The following ACBD6 variants were observed in gnomAD, a reference collection of about 807,000 sequenced individuals.
ACBD6 encodes acyl-CoA binding domain containing 6.
A neutral mutation model predicts 37.2 loss-of-function variants in ACBD6; 28 were observed. That is an observed-to-expected ratio of 0.75 (90% confidence interval 0.56 to 1.03). ACBD6 has a LOEUF of 1.03. ACBD6 is among the 50% of genes least tolerant of loss of function. The pLI is 0.00. For synonymous variants in ACBD6, 113 were observed against 126.8 expected, an observed-to-expected ratio of 0.89 and a Z score of 0.73; for missense variants, 340 against 337.4, an observed-to-expected ratio of 1.01 and a Z score of -0.06.
At position 180,389,484 on chromosome 1, in the gene ACBD6, C is replaced by A. The variant is rs571222909; in HGVS notation, c.663+8032G>T. ...CATACGTGTGCATGTGTCTTTATAGCAGCATGATTTATACTCCTTTGGGTA... is the reference window on the plus strand; with the variant it reads ...CATACGTGTGCATGTGTCTTTATAGAAGCATGATTTATACTCCTTTGGGTA... On this transcript the variant is annotated intron_variant, in intron 6 of 7. Transcript: ENST00000367595. Among the ~76,000 whole-genome samples, 73 of 152,270 alleles carry A rather than the reference C, an allele frequency of 4.8e-4. 1 individual carries two copies. In the East Asian group the frequency reaches 9.6e-3, roughly 20 times the overall value.
At chr1:180,464,340 T>A (rs995489039) in intron 3 of ACBD6, among the ~76,000 whole-genome samples, 1 of 152,120 alleles carries the variant, frequency 6.6e-6, no homozygotes, top group Non-Finnish European at 1.5e-5. Context: ...TTCAGCAAAG[T>A]TGCAGGATAC....
intron 3 of ACBD6, among the ~76,000 whole-genome samples, chr1:180,487,260 C>T (rs1571572904): frequency 1.3e-5 from 2 of 152,048 alleles, no homozygotes; most frequent in Admixed American, 6.6e-5. Flanking sequence ...TACAGTAGCC[C>T]TCCTTTATCC....
chr1:180,418,973 C>T (rs561181344), intron 4 of ACBD6, among the ~76,000 whole-genome samples: 20 of 152,248 alleles, frequency 1.3e-4, no homozygotes, highest in Admixed American at 7.2e-4. Flanking sequence ...TTCTTGAGGC[C>T]GGGCGCGGTG....
intron 6 of ACBD6, among the ~76,000 whole-genome samples, chr1:180,333,682 C>G (rs1651576856): frequency 2.0e-5 from 3 of 152,172 alleles, no homozygotes; most frequent in Non-Finnish European, 2.9e-5. Context: ...ACAGTGAGTG[C>G]AGCGCACTGA....
At position 180,435,860 on chromosome 1, in the gene ACBD6, T is replaced by C. The variant is rs1033455988; in HGVS notation, c.385-5598A>G. On this transcript the variant is annotated intron_variant, in intron 3 of 7. Coordinates refer to ENST00000367595, the MANE Select transcript of ACBD6 (RefSeq NM_032360.4). ...TCAGACCCTAAAACCAGGTATCAAA[T>C]TGACACTGTCAGCTCTTCTGGATGG... 5.8e-5 allele frequency: 76 copies of C among 1,316,394 alleles called. 1 individual carries two copies. The Middle Eastern group carries it at 1.0e-3, about 18-fold the overall frequency. 81.5% of individuals were successfully genotyped at this position (1,316,394 alleles called of 1,614,324 possible).
chr1:180,453,155 C>A (rs1230398138), intron 3 of ACBD6, among the ~76,000 whole-genome samples: 1 of 152,138 alleles, frequency 6.6e-6, no homozygotes, highest in East Asian at 1.9e-4. Flanking sequence ...AACATCGATG[C>A]AAAAATCTTC....
chr1:180,373,490 T>C (rs1653333142), intron 6 of ACBD6, among the ~76,000 whole-genome samples: 1 of 152,204 alleles, frequency 6.6e-6, no homozygotes, highest in Non-Finnish European at 1.5e-5. Flanking sequence ...ATGCATAAAA[T>C]GCAGACAAAT....
At chr1:180,397,221 A>T (rs751283446) in intron 6 of ACBD6, among the ~76,000 whole-genome samples, 57 of 152,222 alleles carry the variant, frequency 3.7e-4, no homozygotes, top group Non-Finnish European at 6.2e-4. Context: ...ATTTATATAA[A>T]ATATCCAGAA....
chr1:180,360,600 G>A (rs948183467), intron 6 of ACBD6, among the ~76,000 whole-genome samples: 3 of 152,040 alleles, frequency 2.0e-5, no homozygotes, highest in Non-Finnish European at 2.9e-5. Flanking sequence ...TCTAACATTC[G>A]AGAACCACTG....
intron 3 of ACBD6, among the ~76,000 whole-genome samples, chr1:180,444,297 AAAAG>A (rs1298224196): frequency 1.3e-5 from 2 of 152,010 alleles, no homozygotes; most frequent in Non-Finnish European, 2.9e-5. Flanking sequence ...AAAAAAAAAA[AAAAG>A]AAAGTACTTT....
At chr1:180,334,435 C>T (rs1651621131) in intron 6 of ACBD6, among the ~76,000 whole-genome samples, 1 of 152,188 alleles carries the variant, frequency 6.6e-6, no homozygotes, top group Non-Finnish European at 1.5e-5. Context: ...TAAACTCCTA[C>T]AGACCTGCAG....
intron 6 of ACBD6, among the ~76,000 whole-genome samples, chr1:180,386,357 T>TC (rs1653845247): frequency 6.6e-6 from 1 of 152,212 alleles, no homozygotes; most frequent in Non-Finnish European, 1.5e-5. Context: ...GTTGTTTTTT[T>TC]CTCATTAATT....
intron 3 of ACBD6, chr1:180,438,250 T>A (rs963265133): frequency 6.5e-6 from 1 of 152,734 alleles, no homozygotes; most frequent in African/African-American, 2.4e-5. Flanking sequence ...TGCAGAAAAA[T>A]GGTCTTCCAC....
At chr1:180,483,510 C>T (rs1651137581) in intron 3 of ACBD6, among the ~76,000 whole-genome samples, 1 of 152,042 alleles carries the variant, frequency 6.6e-6, no homozygotes, top group Admixed American at 6.6e-5. Context: ...AGTGCTAAAT[C>T]CCCAGCCCCT....
At chr1:180,428,868 T>G (rs1267317702) in intron 4 of ACBD6, among the ~76,000 whole-genome samples, 1 of 152,186 alleles carries the variant, frequency 6.6e-6, no homozygotes. Flanking sequence ...TTTTTATTGC[T>G]TAAGAGAAAG....
At chr1:180,395,928 A>T (rs573474848) in intron 6 of ACBD6, among the ~76,000 whole-genome samples, 1 of 152,236 alleles carries the variant, frequency 6.6e-6, no homozygotes, top group Non-Finnish European at 1.5e-5. Context: ...TGGAATAAAC[A>T]AAGTATGGTA....
At chr1:180,479,899 G>T (rs1650956690) in intron 3 of ACBD6, among the ~76,000 whole-genome samples, 1 of 152,080 alleles carries the variant, frequency 6.6e-6, no homozygotes, top group African/African-American at 2.4e-5. Flanking sequence ...TGAGGTGGGA[G>T]GATGGCTTGA....
intron 6 of ACBD6, among the ~76,000 whole-genome samples, chr1:180,379,616 T>C (rs1653565956): frequency 6.6e-6 from 1 of 151,820 alleles, no homozygotes; most frequent in Non-Finnish European, 1.5e-5. Flanking sequence ...ATACAAAATA[T>C]ATTCAAAAGC....
At chr1:180,414,703 T>C (rs1172282203) in intron 4 of ACBD6, among the ~76,000 whole-genome samples, 1 of 152,158 alleles carries the variant, frequency 6.6e-6, no homozygotes, top group Non-Finnish European at 1.5e-5. Context: ...TAAAAAGGAC[T>C]ATAACAGAAC....
Sources: gnomAD v4.1 joint callset for allele counts (sites outside exome capture counted in the v4.1 genomes callset) on GRCh38, gnomAD v4.1.1 for gene constraint, MANE v1.5 for transcripts, NCBI Gene and HGNC (gene_info 2026-07-23, HGNC 2026-07-21) for gene names.